The following PTCH1 variants were observed in gnomAD, a reference collection of about 807,000 sequenced individuals.
PTCH1 encodes the protein protein patched homolog 1.
In PTCH1, 14 loss-of-function variants were observed where a neutral mutation model predicts 144.6. That is an observed-to-expected ratio of 0.10 (90% CI 0.06 to 0.15). The LOEUF is 0.15. Among genes scored for constraint, PTCH1 ranks in the 10% least tolerant of loss-of-function variants. The pLI, the probability that PTCH1 is intolerant of heterozygous loss-of-function variation, is 1.00. For missense variants in PTCH1, 1,623 were observed against 1,948.3 expected (o/e 0.83, Z 3.14); for synonymous variants, 833 against 793.6 (o/e 1.05, Z -0.83).
chr9:95,457,875 G>A lies in PTCH1; in HGVS notation c.3168+138C>T, dbSNP rs1036158197. 16 of 1,205,630 alleles carry A rather than the reference G, an allele frequency of 1.3e-5. No individual in the cohort carries two copies. The Middle Eastern group carries it at 8.1e-4, about 61-fold the overall frequency. 74.7% of individuals were successfully genotyped at this position (1,205,630 alleles called of 1,614,324 possible). ...CCTTAACCATGGACCTCACCACCTC[G>A]AGTAGAATAAACATATTACGGATGA... On this transcript the variant is annotated intron_variant, in intron 18 of 23. Transcript: ENST00000331920.
intron 19 of PTCH1, among the ~76,000 whole-genome samples, chr9:95,455,212 T>C (rs1209658751): frequency 1.3e-5 from 2 of 152,246 alleles, no homozygotes; most frequent in Admixed American, 1.3e-4. Flanking sequence ...CAACAAAGCA[T>C]TCCTTCCAAA....
chr9:95,509,326 A>G (rs1347161989), upstream of PTCH1, among the ~76,000 whole-genome samples: 1 of 152,234 alleles, frequency 6.6e-6, no homozygotes. Context: ...CGGGGCTGTC[A>G]GATGGCTTGG....
intron 8 of PTCH1, 27 bp from the exon 9 acceptor site, chr9:95,478,213 C>T (rs1357157654): frequency 6.2e-7 from 1 of 1,614,032 alleles, no homozygotes; most frequent in South Asian, 1.1e-5. Context: ...ATGCGAAATG[C>T]CCAAATGCAA....
At chr9:95,475,061 C>A (rs193293121) in intron 12 of PTCH1, among the ~76,000 whole-genome samples, 1 of 152,312 alleles carries the variant, frequency 6.6e-6, no homozygotes, top group African/African-American at 2.4e-5. Context: ...AAACTCCAGG[C>A]CACTTTGCGC....
chr9:95,456,552 C>T, intron 18 of PTCH1, 139 bp from the exon 19 acceptor site: 1 of 1,146,952 alleles, frequency 8.7e-7, no homozygotes, highest in Non-Finnish European at 1.2e-6. Flanking sequence ...ACTCTGGACA[C>T]TGCCTTTACT....
rs1332043392 is a variant in PTCH1 at position 95,444,404 on chromosome 9, G to A, written c.*1989C>T. The A allele has an allele frequency of 6.6e-6, 1 of 152,338 alleles. No individual in the cohort carries two copies. The highest frequency in any genetic ancestry group is 1.5e-5 in the Non-Finnish European group (1 of 68,178). 9.4% of individuals were successfully genotyped at this position (152,338 alleles called of 1,614,324 possible). On this transcript the variant is annotated 3_prime_UTR_variant, in exon 24 of 24. Coordinates refer to ENST00000331920, the MANE Select transcript of PTCH1 (RefSeq NM_000264.5). ...CTCCTCCACGCAGGACGTTTTCTGA[G>A]CAGAGCTGGGTGTTAGGATGGCAGA...
chr9:95,477,913 A>T (rs1841198015), intron 9 of PTCH1, 142 bp downstream of exon 9: 5 of 1,502,464 alleles, frequency 3.3e-6, no homozygotes, highest in Non-Finnish European at 4.6e-6. Flanking sequence ...CCACTTTTAA[A>T]CCACTGTGAA....
chr9:95,507,056 C>T (rs1587695720), intron 1 of PTCH1: 1 of 987,322 alleles, frequency 1.0e-6, no homozygotes, highest in South Asian at 4.7e-5. Flanking sequence ...GGCGAGCGCT[C>T]TTTGGAACAA....
chr9:95,488,588 T>A (rs1842155611), intron 2 of PTCH1, among the ~76,000 whole-genome samples: 3 of 136,476 alleles, frequency 2.2e-5, no homozygotes, highest in Admixed American at 1.6e-4. Context: ...TGTAACATGA[T>A]TCATTCATCC....
chr9:95,511,209 G>C (rs1289342078), upstream of PTCH1, among the ~76,000 whole-genome samples: 2 of 150,930 alleles, frequency 1.3e-5, no homozygotes, highest in African/African-American at 2.4e-5. Context: ...CAGGGGGCCC[G>C]TCCGCCGGCT....
rs565899674 is a variant in PTCH1, at chr9:95,449,836, C to T, written c.3549+5G>A. ...CACGTGGGACATCCCCGTGTCACTA[C>T]TGACCTCAGGATATGGTCCAAAGAA... On this transcript the variant is annotated splice_donor_5th_base_variant and intron_variant, in intron 21 of 23. Transcript: ENST00000331920. The surrounding 1 kb of genome is among the most constrained non-coding windows in gnomAD (Gnocchi z 5.3). 6.2e-7 allele frequency: 1 copy of T among 1,609,798 alleles called. No individual in the cohort carries two copies. Among genetic ancestry groups the T allele is most frequent in the African/African-American group, 1.3e-5 (1 of 74,948 alleles).
chr9:95,512,837 G>T (rs1168949306), upstream of PTCH1, among the ~76,000 whole-genome samples: 2 of 152,186 alleles, frequency 1.3e-5, no homozygotes, highest in African/African-American at 4.8e-5. Context: ...AAAAATAAGT[G>T]AGAACTTGGG....
chr9:95,510,741 A>AT (rs943622583), upstream of PTCH1, among the ~76,000 whole-genome samples: 1 of 149,536 alleles, frequency 6.7e-6, no homozygotes, highest in African/African-American at 2.5e-5. Flanking sequence ...TGAAAAAAAA[A>AT]GAAGAAAGAA....
At chr9:95,450,420 C>G (rs1245412814) in intron 20 of PTCH1, 2 of 225,844 alleles carry the variant, frequency 8.9e-6, no homozygotes, top group Non-Finnish European at 1.8e-5. Context: ...CTGCAGGCTG[C>G]TAATCCACTG....
chr9:95,501,967 C>A (rs546101358), intron 2 of PTCH1, among the ~76,000 whole-genome samples: 1 of 152,130 alleles, frequency 6.6e-6, no homozygotes, highest in Non-Finnish European at 1.5e-5. Flanking sequence ...TGAGCACACT[C>A]GTGAGACAGG....
At chr9:95,451,329 T>C (rs1838441398) in intron 20 of PTCH1, 1 of 152,252 alleles carries the variant, frequency 6.6e-6, no homozygotes, top group Admixed American at 6.5e-5. Flanking sequence ...GCTTAGCATA[T>C]ACAGTGTCTG....
intron 13 of PTCH1, 108 bp downstream of exon 13, chr9:95,469,705 G>T: frequency 8.8e-7 from 1 of 1,132,774 alleles, no homozygotes; most frequent in South Asian, 1.2e-5. Flanking sequence ...CTCCACACCA[G>T]CACAAACCCC....
intron 2 of PTCH1, chr9:95,494,155 G>A: frequency 2.1e-6 from 2 of 966,290 alleles, no homozygotes; most frequent in Non-Finnish European, 2.5e-6. Context: ...TCTGCAACGC[G>A]CATGCGCCGG....
intron 2 of PTCH1, among the ~76,000 whole-genome samples, chr9:95,504,426 T>C (rs1232546123): frequency 6.6e-6 from 1 of 152,168 alleles, no homozygotes; most frequent in Non-Finnish European, 1.5e-5. Context: ...TCACATTCTA[T>C]CTCCTTCAAC....
Sources: gnomAD v4.1 joint callset for allele counts (sites outside exome capture counted in the v4.1 genomes callset) on GRCh38, gnomAD v4.1.1 for gene constraint, Gnocchi (gnomAD v3.1) non-coding constraint, MANE v1.5 for transcripts, NCBI Gene and HGNC (gene_info 2026-07-23, HGNC 2026-07-21) for gene names.